The following CAMTA1 variants were observed in gnomAD, a reference collection of about 807,000 sequenced individuals.
CAMTA1 encodes the protein calmodulin-binding transcription activator 1.
In CAMTA1, 27 loss-of-function variants were observed where a neutral mutation model predicts 170.9. That is an observed-to-expected ratio of 0.16 (90% CI 0.12 to 0.22). The LOEUF (loss-of-function observed/expected upper bound fraction) is 0.22, where lower values mean the gene tolerates loss of function less well. Ranked by LOEUF, CAMTA1 falls within the 10% of genes least tolerant of loss-of-function variation. CAMTA1 has a pLI of 1.00. For synonymous variants in CAMTA1, 833 were observed against 891.5 expected (o/e 0.93, Z 1.17); for missense variants, 1,619 against 2,217.2 (o/e 0.73, Z 5.42).
At chr1:6,790,371 AGAGAGT>A (rs1026922926) in intron 1 of CAMTA1, among the ~76,000 whole-genome samples, 9 of 141,564 alleles carry the variant, frequency 6.4e-5, no homozygotes, top group African/African-American at 1.3e-4. Context: ...AGAGAGAGAG[AGAGAGT>A]GTGTGTGTGT....
intron 6 of CAMTA1, among the ~76,000 whole-genome samples, chr1:7,470,249 A>G (rs1557767860): frequency 6.6e-6 from 1 of 152,210 alleles, no homozygotes; most frequent in Non-Finnish European, 1.5e-5. Flanking sequence ...CAGGTTAAGG[A>G]GCTAAGGCCA....
chr1:7,640,082 A>C (rs1458976080), intron 6 of CAMTA1, among the ~76,000 whole-genome samples: 1 of 152,006 alleles, frequency 6.6e-6, no homozygotes, highest in Non-Finnish European at 1.5e-5. Context: ...TGTGTAGGTC[A>C]GAGTTTCTCA....
chr1:7,710,824 G>A (rs2096564945), intron 11 of CAMTA1, among the ~76,000 whole-genome samples: 1 of 152,000 alleles, frequency 6.6e-6, no homozygotes, highest in African/African-American at 2.4e-5. Flanking sequence ...CTTATCGTCT[G>A]CCAAATTACC....
chr1:7,618,179 G>A (rs899590595), intron 6 of CAMTA1, among the ~76,000 whole-genome samples: 1 of 152,076 alleles, frequency 6.6e-6, no homozygotes, highest in African/African-American at 2.4e-5. Context: ...TCTTCACCTC[G>A]ACCCTGAGGA....
intron 18 of CAMTA1, among the ~76,000 whole-genome samples, chr1:7,746,868 C>T (rs1160071878): frequency 1.3e-5 from 2 of 152,206 alleles, no homozygotes; most frequent in Non-Finnish European, 2.9e-5. Flanking sequence ...AACTCTTAAC[C>T]TCAAGTGATC....
At chr1:6,857,903 G>A (rs1183651631) in intron 3 of CAMTA1, among the ~76,000 whole-genome samples, 1 of 152,210 alleles carries the variant, frequency 6.6e-6, no homozygotes, top group African/African-American at 2.4e-5. Flanking sequence ...ATTTTATGTT[G>A]TGGGTGGCAC....
intron 5 of CAMTA1, among the ~76,000 whole-genome samples, chr1:7,270,264 CACACACACACATAT>C (rs1472870646): frequency 1.3e-4 from 5 of 39,484 alleles, no homozygotes; most frequent in East Asian, 4.7e-4. Flanking sequence ...CACACACACA[CACACACACACATAT>C]ATATATATAT....
intron 5 of CAMTA1, among the ~76,000 whole-genome samples, chr1:7,378,634 G>C (rs1292533007): frequency 6.6e-6 from 1 of 152,096 alleles, no homozygotes; most frequent in Non-Finnish European, 1.5e-5. Context: ...AGGAGAATGG[G>C]GTTTCCTTTC....
chr1:7,002,445 T>C (rs1698360768), intron 3 of CAMTA1, among the ~76,000 whole-genome samples: 1 of 152,234 alleles, frequency 6.6e-6, no homozygotes. Flanking sequence ...TATTCTATCA[T>C]AAACCCATTG....
intron 5 of CAMTA1, among the ~76,000 whole-genome samples, chr1:7,342,847 C>T (rs2083936619): frequency 6.6e-6 from 1 of 152,120 alleles, no homozygotes; most frequent in Non-Finnish European, 1.5e-5. Context: ...TATTCACCTC[C>T]CCAACTGTTT....
intron 6 of CAMTA1, among the ~76,000 whole-genome samples, chr1:7,574,129 T>G (rs914019272): frequency 4.2e-5 from 5 of 118,944 alleles, no homozygotes; most frequent in Non-Finnish European, 5.9e-5. Flanking sequence ...TCTCAGGGCT[T>G]CCCTGCAGGT....
At chr1:7,710,234 T>C (rs17031456) in intron 11 of CAMTA1, among the ~76,000 whole-genome samples, 3,684 of 152,306 alleles carry the variant, frequency 0.024, 133 homozygotes, top group African/African-American at 0.083. Flanking sequence ...GCTACTGTCA[T>C]TTATCACATG....
chr1:7,403,953 C>T lies in CAMTA1; in HGVS notation c.439-63877C>T, dbSNP rs564188636. 3.3e-5 allele frequency among the ~76,000 whole-genome samples: 5 copies of T among 152,286 alleles called. 1 individual carries two copies. The South Asian group carries it at 1.0e-3, about 32-fold the overall frequency. On this transcript the variant is annotated intron_variant, in intron 5 of 22. Coordinates refer to ENST00000303635, the MANE Select transcript of CAMTA1 (RefSeq NM_015215.4). Reference sequence around the variant, plus strand: ...GCAGAGTCCGGGCCCCTGACCCCTGCGGGATCCTACCTGCCTAGAGTGCTC... The same window carrying T: ...GCAGAGTCCGGGCCCCTGACCCCTGTGGGATCCTACCTGCCTAGAGTGCTC...
rs2092949314 is a variant in CAMTA1, at chr1:7,456,217, G to A, written c.439-11613G>A. Among the ~76,000 whole-genome samples the A allele has an allele frequency of 6.7e-6, 1 of 149,588 alleles. No individual in the cohort carries two copies. Among genetic ancestry groups the A allele is most frequent in the Non-Finnish European group, 1.5e-5 (1 of 67,266 alleles). ...AAATGGGAGGGAGGGAGGAAGAATG[G>A]GAGAGAGGGAGGGAGAGAAGGAGGG... On this transcript the variant is annotated intron_variant, in intron 5 of 22. Transcript: ENST00000303635. The surrounding 1 kb of genome is among the most constrained non-coding windows in gnomAD (Gnocchi z 4.9).
At chr1:7,102,925 A>T (rs1642913254) in intron 4 of CAMTA1, among the ~76,000 whole-genome samples, 1 of 152,114 alleles carries the variant, frequency 6.6e-6, no homozygotes, top group East Asian at 1.9e-4. Flanking sequence ...TACTCGGTGA[A>T]TACCTTCCGA....
At position 7,299,582 on chromosome 1, in the gene CAMTA1, G is replaced by T. The variant is rs1259439258; in HGVS notation, c.438+49956G>T. On this transcript the variant is annotated intron_variant, in intron 5 of 22. Transcript: ENST00000303635. This position sits in a 1 kb window ranked among gnomAD's most constrained non-coding sequence, Gnocchi z 4.7. Reference sequence around the variant, plus strand: ...TCCCCGGAGTCAGACGCTGGCCCTTGTGTCTCAGGCTCCTGGAACCTTCCG... The same window carrying T: ...TCCCCGGAGTCAGACGCTGGCCCTTTTGTCTCAGGCTCCTGGAACCTTCCG... Among the ~76,000 whole-genome samples, 1 of 152,224 alleles carries T rather than the reference G, an allele frequency of 6.6e-6. No individual in the cohort carries two copies. The highest frequency in any genetic ancestry group is 1.5e-5 in the Non-Finnish European group (1 of 68,046).
chr1:7,243,659 C>T (rs1401792816), intron 4 of CAMTA1, among the ~76,000 whole-genome samples: 7 of 152,168 alleles, frequency 4.6e-5, no homozygotes, highest in Admixed American at 1.3e-4. Context: ...AGTCAGGTAG[C>T]GTGACGCCTC....
At chr1:6,922,702 C>T (rs1011279122) in intron 3 of CAMTA1, among the ~76,000 whole-genome samples, 7 of 152,136 alleles carry the variant, frequency 4.6e-5, no homozygotes, top group Non-Finnish European at 2.9e-5. Flanking sequence ...TACAAGTGAG[C>T]CATTAAGGCC....
chr1:6,883,674 T>C (rs1430491182), intron 3 of CAMTA1, among the ~76,000 whole-genome samples: 1 of 150,590 alleles, frequency 6.6e-6, no homozygotes, highest in Admixed American at 6.6e-5. Flanking sequence ...GATCGAGGAG[T>C]TGTTGGAGTT....
Sources: gnomAD v4.1 joint callset for allele counts (sites outside exome capture counted in the v4.1 genomes callset) on GRCh38, gnomAD v4.1.1 for gene constraint, Gnocchi (gnomAD v3.1) non-coding constraint, MANE v1.5 for transcripts, NCBI Gene and HGNC (gene_info 2026-07-23, HGNC 2026-07-21) for gene names.